ARHGEF10: variants seen among roughly 807,000 people sequenced by gnomAD.
The protein encoded by ARHGEF10 is Rho guanine nucleotide exchange factor (GEF) 10.
In ARHGEF10, 140 loss-of-function variants were observed where a neutral mutation model predicts 147.4. The observed-to-expected ratio is 0.95, with a 90% CI of 0.83 to 1.09. ARHGEF10 has a LOEUF of 1.09. ARHGEF10 is among the 50% of genes least tolerant of loss of function. The probability of loss-of-function intolerance (pLI) is 0.00; values close to 1 mark genes in which losing one functional copy is unlikely to be tolerated. For missense variants in ARHGEF10, 2,222 were observed against 1,752.7 expected (o/e 1.27, Z -4.78); for synonymous variants, 902 against 695.8 (o/e 1.30, Z -4.67).
At chr8:1,927,380 T>C (rs1812769365) in intron 23 of ARHGEF10, 1 of 151,648 alleles carries the variant, frequency 6.6e-6, no homozygotes, top group Non-Finnish European at 1.5e-5. Flanking sequence ...CGACAACAAA[T>C]ACAAGAATAA....
At position 1,944,481 on chromosome 8, in the gene ARHGEF10, C is replaced by T. The variant is rs79049487; in HGVS notation, c.3223-1000C>T. On this transcript the variant is annotated intron_variant, in intron 26 of 28. Transcript: ENST00000349830. Reference sequence around the variant, plus strand: ...CGGGTTCACTGGGCTCTGGGCGCGGCGTAGTGCCGCAGGATGGGGTTTGGT... The same window carrying T: ...CGGGTTCACTGGGCTCTGGGCGCGGTGTAGTGCCGCAGGATGGGGTTTGGT... Among the ~76,000 whole-genome samples, 72 of 152,318 alleles carry T rather than the reference C, an allele frequency of 4.7e-4. 2 individuals carry two copies. In the East Asian group the frequency reaches 0.012, roughly 25 times the overall value.
Position 1,856,452 on chromosome 8 carries a change from C to T in ARHGEF10, c.38-1508C>T, listed in dbSNP as rs553661005. 3.3e-5 allele frequency among the ~76,000 whole-genome samples: 5 copies of T among 152,280 alleles called. No individual in the cohort carries two copies. In the South Asian group the frequency reaches 1.0e-3, roughly 32 times the overall value. On this transcript the variant is annotated intron_variant, in intron 2 of 28. Transcript: ENST00000349830. ...TGGTGACCTAAAAATCTGTTTCCTT[C>T]AAAAGGCACTCCTAGAATGTATGAC...
chr8:1,890,251 A>AT (rs1809380006), intron 11 of ARHGEF10, among the ~76,000 whole-genome samples: 1 of 130,782 alleles, frequency 7.6e-6, no homozygotes, highest in Admixed American at 7.5e-5. Flanking sequence ...GGAGGCACTG[A>AT]GGGTTGTGGA....
At chr8:1,853,886 A>T (rs1049964586) in intron 2 of ARHGEF10, among the ~76,000 whole-genome samples, 1 of 152,128 alleles carries the variant, frequency 6.6e-6, no homozygotes, top group African/African-American at 2.4e-5. Context: ...TGTCATGAGG[A>T]CACTGCCACA....
At chr8:1,880,341 C>G (rs183169761) in intron 9 of ARHGEF10, among the ~76,000 whole-genome samples, 177 bp downstream of exon 9, 1 of 152,370 alleles carries the variant, frequency 6.6e-6, no homozygotes, top group East Asian at 1.9e-4. Context: ...GTGCCTTTCA[C>G]TGTCTCCCTC....
At chr8:1,910,309 C>T (rs1314425294) in intron 18 of ARHGEF10, among the ~76,000 whole-genome samples, 3 of 152,172 alleles carry the variant, frequency 2.0e-5, no homozygotes, top group Non-Finnish European at 4.4e-5. Context: ...ATTGAATTTG[C>T]ATATTCACCT....
intron 27 of ARHGEF10, among the ~76,000 whole-genome samples, chr8:1,946,186 A>C (rs1814574654): frequency 6.6e-6 from 1 of 152,192 alleles, no homozygotes; most frequent in African/African-American, 2.4e-5. Context: ...GATGGAGGAA[A>C]GAAATGAGGA....
chr8:1,924,679 G>A (rs1812553342), intron 21 of ARHGEF10, among the ~76,000 whole-genome samples: 1 of 152,190 alleles, frequency 6.6e-6, no homozygotes. Flanking sequence ...CTCTCTTGCT[G>A]AATAATTTGG....
In ARHGEF10 at chr8:1,956,762, C is replaced by G. The variant is rs765355373; in HGVS notation, c.3534C>G (p.Val1178=). ...GIPKVTGRGM[V]SYHAHNSPVK... is the part of the protein sequence containing the mutation. ...TTCCCTTTTCAGGAAGAGGCATGGT[C>G]TCCTACCATGCACACAACAGTCCTG... The change falls in exon 29 of 29, where the codon GTC becomes GTG. Residue 1178 remains valine (V), a synonymous_variant. Coordinates refer to ENST00000349830, the MANE Select transcript of ARHGEF10 (RefSeq NM_014629.4). The G allele has an allele frequency of 6.2e-7, 1 of 1,613,930 alleles. No homozygotes were observed. Among genetic ancestry groups the G allele is most frequent in the Non-Finnish European group, 8.5e-7 (1 of 1,179,992 alleles).
intron 18 of ARHGEF10, among the ~76,000 whole-genome samples, chr8:1,913,872 A>T (rs757373298): frequency 6.6e-6 from 1 of 152,192 alleles, no homozygotes; most frequent in African/African-American, 2.4e-5. Context: ...AGGTAGCTGG[A>T]GGAGCTGCCA....
At position 1,956,863 on chromosome 8, in the gene ARHGEF10, C is replaced by T. The variant is rs750365714; in HGVS notation, c.3635C>T (p.Pro1212Leu). Reference protein sequence around the residue: ...DKSRDSLAPGPEPQDEDQKDA... With the variant: ...DKSRDSLAPGLEPQDEDQKDA... ...TCCAGGGACAGCCTGGCTCCTGGCC[C>T]CGAGCCTCAGGACGAAGACCAGAAG... Residue 1212 changes from proline (P) to leucine (L), a missense_variant, in exon 29 of 29, where the codon CCC (proline) becomes CTC (leucine). By Grantham distance (98) the Pro-to-Leu change is moderately conservative. Coordinates refer to ENST00000349830, the MANE Select transcript of ARHGEF10 (RefSeq NM_014629.4). 2.5e-6 allele frequency: 4 copies of T among 1,613,968 alleles called. No individual in the cohort carries two copies. The Admixed American group carries it at 5.0e-5, about 20-fold the overall frequency.
At chr8:1,848,343 G>C (rs980474299) in intron 2 of ARHGEF10, among the ~76,000 whole-genome samples, 14 of 152,176 alleles carry the variant, frequency 9.2e-5, no homozygotes, top group Non-Finnish European at 1.9e-4. Flanking sequence ...CTATAGACGA[G>C]GGATGGGGTC....
chr8:1,824,751 C>A (rs1448054173), intron 1 of ARHGEF10, among the ~76,000 whole-genome samples: 1 of 70,752 alleles, frequency 1.4e-5, no homozygotes, highest in East Asian at 5.6e-4. Context: ...CCCCGCCTGT[C>A]CCCCCGCACC....
chr8:1,914,928 T>C (rs1224915837), intron 18 of ARHGEF10, among the ~76,000 whole-genome samples: 1 of 152,204 alleles, frequency 6.6e-6, no homozygotes, highest in African/African-American at 2.4e-5. Flanking sequence ...GGAAACAGTC[T>C]TCAGTAGCTT....
rs1179244358 is a variant in ARHGEF10 at position 1,957,103 on chromosome 8, G to A, written c.3875G>A (p.Arg1292Lys). The change falls in exon 29 of 29, where the codon AGA (arginine) becomes AAA (lysine). Residue 1292 changes from arginine (R) to lysine (K), a missense_variant. Coordinates refer to ENST00000349830, the MANE Select transcript of ARHGEF10 (RefSeq NM_014629.4). ...YDLLKDPVSL[R>K]SKARRAKKAK... Reference sequence around the variant, plus strand: ...CTCCTGAAGGATCCTGTCTCGCTGAGAAGCAAAGCACGCCGGGCCAAGAAA... The same window carrying A: ...CTCCTGAAGGATCCTGTCTCGCTGAAAAGCAAAGCACGCCGGGCCAAGAAA... 1 of 1,613,162 alleles carries A rather than the reference G, an allele frequency of 6.2e-7. No homozygotes were observed. The highest frequency in any genetic ancestry group is 2.2e-5 in the East Asian group (1 of 44,894).
intron 21 of ARHGEF10, 59 bp downstream of exon 21, chr8:1,923,933 C>T (rs1563292291): frequency 6.0e-6 from 9 of 1,508,616 alleles, no homozygotes; most frequent in Admixed American, 1.7e-5. Context: ...AATTCCTGCC[C>T]ACGAGGGTGA....
intron 25 of ARHGEF10, among the ~76,000 whole-genome samples, chr8:1,929,707 C>G (rs1420934826): frequency 6.6e-6 from 1 of 152,228 alleles, no homozygotes; most frequent in Non-Finnish European, 1.5e-5. Flanking sequence ...GTTTCTCCCC[C>G]TCGGATGGGG....
chr8:1,831,123 A>G (rs1353801028), intron 1 of ARHGEF10, among the ~76,000 whole-genome samples: 1 of 152,178 alleles, frequency 6.6e-6, no homozygotes, highest in Admixed American at 6.5e-5. Flanking sequence ...GGCCAGACCC[A>G]TGGAGGGACA....
intron 15 of ARHGEF10, among the ~76,000 whole-genome samples, chr8:1,900,643 ACTTTT>A (rs1810377818): frequency 6.6e-6 from 1 of 152,206 alleles, no homozygotes; most frequent in African/African-American, 2.4e-5. Context: ...AATTTTGTAC[ACTTTT>A]CTTTTTTGAA....
Sources: allele counts gnomAD v4.1 joint callset (sites outside exome capture counted in the v4.1 genomes callset), GRCh38; gene constraint gnomAD v4.1.1; transcripts MANE v1.5; gene names NCBI Gene and HGNC (gene_info 2026-07-23, HGNC 2026-07-21).